GSTM4: variants seen among roughly 807,000 people sequenced by gnomAD.
GSTM4 encodes GST class-mu 4.
A neutral mutation model predicts 30.1 loss-of-function variants in GSTM4; 27 were observed. The observed-to-expected ratio is 0.90, with a 90% CI of 0.66 to 1.24. The LOEUF (loss-of-function observed/expected upper bound fraction) is 1.24. Ranked by LOEUF, GSTM4 falls within the 50% of genes most tolerant of loss-of-function variation. The probability of loss-of-function intolerance (pLI) is 0.00; values close to 1 mark genes in which losing one functional copy is unlikely to be tolerated. For synonymous variants in GSTM4, 94 were observed against 96.2 expected (o/e 0.98, Z 0.13); for missense variants, 238 against 272.1 (o/e 0.87, Z 0.88).
downstream of GSTM4, chr1:109,665,048 T>C (rs373106710): frequency 1.2e-4 from 168 of 1,458,550 alleles, no homozygotes; most frequent in Non-Finnish European, 1.6e-4. Context: ...ATTTTCTGCA[T>C]CAACTTGACT....
In GSTM4 at chr1:109,661,412, C is replaced by A; in HGVS notation, c.*158C>A. On this transcript the variant is annotated 3_prime_UTR_variant, in exon 8 of 8. Transcript: ENST00000369836. ...CCCAAGACTTTATTGGGCCTCTTCA[C>A]TTCCCCTAAACCCCTGTCCCATGCA... 1 of 1,502,914 alleles carries A rather than the reference C, an allele frequency of 6.7e-7. No individual in the cohort carries two copies. Among genetic ancestry groups the A allele is most frequent in the Middle Eastern group, 2.4e-4 (1 of 4,184 alleles). The allele number at this position is 1,502,914 out of a possible 1,614,324, so 93.1% of individuals were successfully genotyped here.
downstream of GSTM4, among the ~76,000 whole-genome samples, chr1:109,664,500 C>T (rs1174759699): frequency 5.9e-5 from 9 of 151,510 alleles, no homozygotes; most frequent in Admixed American, 4.6e-4. Context: ...GCTGGAATTA[C>T]GGGCGTGTGC....
intron 7 of GSTM4, chr1:109,660,664 ATGT>A (rs1557953828): frequency 1.2e-5 from 2 of 167,132 alleles, no homozygotes; most frequent in African/African-American, 2.4e-5. Flanking sequence ...AAACAGGAGA[ATGT>A]TGTGTAGTCA....
chr1:109,661,690 C>A lies in GSTM4; in HGVS notation c.*436C>A, dbSNP rs1652331795. ...TTAGGCCTACCTGATCAAAATAAAG[C>A]CTCAGCCACATTTGCTATAGTCTTG... On this transcript the variant is annotated 3_prime_UTR_variant, in exon 8 of 8. Transcript: ENST00000369836. 1 of 1,088,498 alleles carries A rather than the reference C, an allele frequency of 9.2e-7. No homozygotes were observed. Among genetic ancestry groups the A allele is most frequent in the Non-Finnish European group, 1.1e-6 (1 of 892,570 alleles). 67.4% of individuals were successfully genotyped at this position (1,088,498 alleles called of 1,614,324 possible).
At chr1:109,659,437 T>A in intron 7 of GSTM4, 1 of 1,324,904 alleles carries the variant, frequency 7.5e-7, no homozygotes, top group Non-Finnish European at 1.0e-6. Context: ...GTCAGGGCTC[T>A]CCCTTTTGTG....
rs1452989523 is a variant in GSTM4 at position 109,659,122 on chromosome 1, A to T, written c.567+12A>T. 6 of 1,614,066 alleles carry T rather than the reference A, an allele frequency of 3.7e-6. No individual in the cohort carries two copies. In the East Asian group the frequency reaches 1.3e-4, roughly 36 times the overall value. On this transcript the variant is annotated intron_variant, in intron 7 of 7. Coordinates refer to ENST00000369836, the MANE Select transcript of GSTM4 (RefSeq NM_000850.5). ...TCTCCCGCTTTGAGGTGATGCCCCC[A>T]TCCTCCTTTCTCTTTGATGCCCCTT...
Position 109,657,858 on chromosome 1 carries a change from T to C in GSTM4, c.346T>C (p.Tyr116His), listed in dbSNP as rs576929306. 7.2e-5 allele frequency: 116 copies of C among 1,614,160 alleles called. 1 individual carries two copies. In the South Asian group the frequency reaches 1.0e-3, roughly 14 times the overall value. ...DVSNQLARVC[Y>H]SPDFEKLKPE... ...CTCCAATCAGCTGGCCAGAGTCTGC[T>C]ACAGCCCTGACTTTGTGAGTCCCTC... The change falls in exon 5 of 8, where the codon TAC becomes CAC. Residue 116 changes from tyrosine (Y) to histidine (H), a missense_variant. Tyr to His is a moderately conservative substitution (Grantham distance 83). Transcript: ENST00000369836.
Position 109,658,588 on chromosome 1 carries a change from T to C in GSTM4, c.361-226T>C, listed in dbSNP as rs758804911. ...TGGTTGGGAGGTCAGTGGGGACAGA[T>C]TCAGGGATAGTGTTGCATTCCTCTC... On this transcript the variant is annotated intron_variant, in intron 5 of 7. Coordinates refer to ENST00000369836, the MANE Select transcript of GSTM4 (RefSeq NM_000850.5). 9 of 560,948 alleles carry C rather than the reference T, an allele frequency of 1.6e-5. No homozygotes were observed. The Admixed American group carries it at 2.8e-4, about 17-fold the overall frequency. 34.7% of individuals were successfully genotyped at this position (560,948 alleles called of 1,614,324 possible).
intron 2 of GSTM4, 159 bp from the exon 3 acceptor site, chr1:109,657,056 C>T (rs975964518): frequency 9.7e-6 from 8 of 825,888 alleles, no homozygotes; most frequent in Admixed American, 2.0e-5. Context: ...GAGCCCTCAG[C>T]GGGATTCTTT....
downstream of GSTM4, chr1:109,661,813 A>C: frequency 1.7e-6 from 1 of 577,568 alleles, no homozygotes; most frequent in Non-Finnish European, 2.2e-6. Context: ...AGAGATTATG[A>C]TGGGCTTAGT....
At chr1:109,666,169 C>T (rs1051344914), downstream of GSTM4, among the ~76,000 whole-genome samples, 1 of 152,152 alleles carries the variant, frequency 6.6e-6, no homozygotes, top group African/African-American at 2.4e-5. Flanking sequence ...CGGCTCATTG[C>T]AGCCTCGACT....
chr1:109,658,934 A>C, intron 6 of GSTM4, 25 bp downstream of exon 6: 1 of 1,611,514 alleles, frequency 6.2e-7, no homozygotes, highest in South Asian at 1.1e-5. Flanking sequence ...TGATGAGGAC[A>C]CTAGAGATTT....
chr1:109,662,357 C>T (rs1652350799), downstream of GSTM4, among the ~76,000 whole-genome samples: 2 of 152,188 alleles, frequency 1.3e-5, no homozygotes, highest in Non-Finnish European at 2.9e-5. Context: ...TTCTGTCTTC[C>T]ACACTGACTG....
At chr1:109,663,613 TGAG>T (rs1652377181), downstream of GSTM4, among the ~76,000 whole-genome samples, 1 of 151,258 alleles carries the variant, frequency 6.6e-6, no homozygotes, top group Admixed American at 6.6e-5. Context: ...TGCAGTGAGC[TGAG>T]ATCACGCCAC....
intron 5 of GSTM4, chr1:109,658,503 C>T (rs1056976077): frequency 5.5e-6 from 2 of 362,266 alleles, no homozygotes; most frequent in East Asian, 5.1e-5. Flanking sequence ...TGATTTTGCT[C>T]ATGTCTGGGT....
At chr1:109,664,080 C>T (rs1390893568), downstream of GSTM4, among the ~76,000 whole-genome samples, 1 of 152,204 alleles carries the variant, frequency 6.6e-6, no homozygotes, top group Non-Finnish European at 1.5e-5. Context: ...AGTCTATATG[C>T]ATGCCTATTT....
Position 109,657,216 on chromosome 1 carries a change from T to G in GSTM4, c.114T>G (p.Ala38=). Residue 38 remains alanine (A), a splice_region_variant and synonymous_variant, in exon 3 of 8, where the codon GCT becomes GCG. Coordinates refer to ENST00000369836, the MANE Select transcript of GSTM4 (RefSeq NM_000850.5). ...YEEKKYTMGD[A]PDYDRSQWLN... The stretch of plus-strand genomic sequence containing the variant: ...TTCACTTCTTCTTCCCCACGGCAGC[T>G]CCTGACTATGACAGAAGCCAGTGGC... The G allele has an allele frequency of 6.2e-7, 1 of 1,612,474 alleles. No individual in the cohort carries two copies. Among genetic ancestry groups the G allele is most frequent in the East Asian group, 2.2e-5 (1 of 44,876 alleles).
chr1:109,664,336 A>C (rs1014267288), downstream of GSTM4, among the ~76,000 whole-genome samples: 2 of 55,672 alleles, frequency 3.6e-5, no homozygotes, highest in African/African-American at 9.4e-5. Flanking sequence ...CTCTAGAGAG[A>C]ATAGCTTTTT....
intron 5 of GSTM4, 89 bp from the exon 6 acceptor site, chr1:109,658,725 G>A: frequency 1.1e-6 from 1 of 904,488 alleles, no homozygotes; most frequent in Non-Finnish European, 1.8e-6. Context: ...CTTGCTCGTG[G>A]CCAGCTGGGG....
Sources: gnomAD v4.1 joint callset for allele counts (sites outside exome capture counted in the v4.1 genomes callset) on GRCh38, gnomAD v4.1.1 for gene constraint, MANE v1.5 for transcripts, NCBI Gene and HGNC (gene_info 2026-07-23, HGNC 2026-07-21) for gene names.